The following NXPE1 variants were observed in gnomAD, a reference collection of about 807,000 sequenced individuals.
NXPE1 encodes the protein neurexophilin and PC-esterase domain family member 1, also known as NXPE family member 1.
NXPE1 carries 31 observed loss-of-function variants against 33.3 expected under a neutral mutation model. The ratio of observed to expected loss-of-function variants is 0.93; its 90% CI spans 0.70 to 1.26. NXPE1 has a LOEUF of 1.26. Among genes scored for constraint, NXPE1 ranks in the 50% most tolerant of loss-of-function variants. The pLI, the probability that NXPE1 is intolerant of heterozygous loss-of-function variation, is 0.00. For synonymous variants in NXPE1, 229 were observed against 231.4 expected (o/e 0.99, Z 0.09); for missense variants, 661 against 655.6 (o/e 1.01, Z -0.09).
rs139397765 is a variant in NXPE1 at position 114,529,143 on chromosome 11, T to A, written c.833+1032A>T. The A allele has an allele frequency of 5.1e-3, 1,232 of 242,090 alleles. 6 individuals are homozygous for A. The highest frequency in any genetic ancestry group is 0.042 in the Middle Eastern group (32 of 768). 15.0% of individuals were successfully genotyped at this position (242,090 alleles called of 1,614,324 possible). Reference sequence around the variant, plus strand: ...GACTTTGAAAACTGCTAGAAAGGGATTTCTGTGAACCTAGCATTCTACTCT... The same window carrying A: ...GACTTTGAAAACTGCTAGAAAGGGAATTCTGTGAACCTAGCATTCTACTCT... On this transcript the variant is annotated intron_variant, in intron 6 of 8. Transcript: ENST00000534921.
intron 5 of NXPE1, among the ~76,000 whole-genome samples, chr11:114,538,049 C>A (rs2135024340): frequency 6.6e-6 from 1 of 152,248 alleles, no homozygotes; most frequent in East Asian, 1.9e-4. Context: ...CTACAGTAAC[C>A]AAAACAGCAT....
At chr11:114,540,675 A>C (rs1331894282) in intron 5 of NXPE1, among the ~76,000 whole-genome samples, 1 of 152,036 alleles carries the variant, frequency 6.6e-6, no homozygotes, top group Non-Finnish European at 1.5e-5. Context: ...GCCAAAAACA[A>C]GTACCTGAAG....
intron 5 of NXPE1, among the ~76,000 whole-genome samples, chr11:114,531,658 G>A (rs1345464853): frequency 6.6e-6 from 1 of 151,982 alleles, no homozygotes. Context: ...TGCTTTTGAT[G>A]TCTTGACAAG....
intron 5 of NXPE1, among the ~76,000 whole-genome samples, chr11:114,538,517 T>C (rs1194658583): frequency 3.9e-5 from 6 of 152,148 alleles, no homozygotes; most frequent in Non-Finnish European, 8.8e-5. Flanking sequence ...AGAAAATTTT[T>C]GCAACCTACT....
At chr11:114,532,701 CTCTT>C (rs1387764857) in intron 5 of NXPE1, among the ~76,000 whole-genome samples, 1 of 151,924 alleles carries the variant, frequency 6.6e-6, no homozygotes. Context: ...AATTCTCTGT[CTCTT>C]TCTCTCTGTG....
chr11:114,556,704 T>C (rs1080074), intron 1 of NXPE1, among the ~76,000 whole-genome samples: 16,780 of 152,040 alleles, frequency 0.11, 1,137 homozygotes, highest in Middle Eastern at 0.17. Flanking sequence ...AATGTATTTT[T>C]TTCCAGAGTT....
intron 6 of NXPE1, chr11:114,528,825 G>A (rs1947462762): frequency 2.9e-6 from 2 of 678,716 alleles, no homozygotes; most frequent in East Asian, 2.7e-5. Flanking sequence ...GTCTCTCCAG[G>A]TGCCATCCTG....
chr11:114,544,326 G>A (rs1463388931), intron 5 of NXPE1, among the ~76,000 whole-genome samples: 1 of 152,108 alleles, frequency 6.6e-6, no homozygotes, highest in South Asian at 2.1e-4. Flanking sequence ...CCACTTCAAG[G>A]CTTATTACAA....
intron 7 of NXPE1, among the ~76,000 whole-genome samples, chr11:114,527,603 A>G (rs1947409570): frequency 1.3e-5 from 2 of 152,206 alleles, no homozygotes; most frequent in African/African-American, 4.8e-5. Flanking sequence ...ATGAACTCTC[A>G]GGTTTAAACA....
chr11:114,535,373 C>A (rs1446681486), intron 5 of NXPE1, among the ~76,000 whole-genome samples: 1 of 152,204 alleles, frequency 6.6e-6, no homozygotes, highest in Non-Finnish European at 1.5e-5. Context: ...ACTACATCAA[C>A]TAACGAGCAA....
intron 1 of NXPE1, among the ~76,000 whole-genome samples, chr11:114,556,909 T>C (rs568372825): frequency 2.8e-3 from 427 of 151,988 alleles, no homozygotes; most frequent in African/African-American, 9.1e-3. Flanking sequence ...TTTTTTTTTT[T>C]TGAGACAGAG....
chr11:114,534,214 A>G (rs1947703888), intron 5 of NXPE1, among the ~76,000 whole-genome samples: 1 of 152,246 alleles, frequency 6.6e-6, no homozygotes, highest in South Asian at 2.1e-4. Context: ...ACAGACCTGC[A>G]GCTGAGGGTT....
rs141557180 is a variant in NXPE1 at position 114,522,071 on chromosome 11, A to G, written c.1541T>C (p.Ile514Thr). ...TGCAATGGTCATGTCCCAGGCATCA[A>G]TGATGCCCACGTTGAGGTCTTTGAA... is the stretch of plus-strand genomic sequence containing the variant. Residue 514 changes from isoleucine to threonine, a missense_variant, in exon 9 of 9, where the codon ATT becomes ACT. Ile to Thr is a moderately conservative substitution (Grantham distance 89, BLOSUM62 -1). Coordinates refer to ENST00000534921, the Ensembl canonical transcript of NXPE1. 151 of 1,612,974 alleles carry G rather than the reference A, an allele frequency of 9.4e-5. No homozygotes were observed. The highest frequency in any genetic ancestry group is 6.6e-4 in the Middle Eastern group (4 of 6,060).
chr11:114,527,120 T>C (rs1947392890), intron 7 of NXPE1: 1 of 152,368 alleles, frequency 6.6e-6, no homozygotes, highest in Non-Finnish European at 1.5e-5. Flanking sequence ...GCTCAGTAAA[T>C]GTTTGCTGAT....
chr11:114,553,434 C>T (rs1045192040), intron 1 of NXPE1, among the ~76,000 whole-genome samples: 3 of 152,204 alleles, frequency 2.0e-5, no homozygotes, highest in Admixed American at 6.5e-5. Flanking sequence ...TCCACTGATG[C>T]ACTACCAACT....
intron 5 of NXPE1, among the ~76,000 whole-genome samples, chr11:114,542,767 A>G (rs1396520721): frequency 6.6e-6 from 1 of 152,222 alleles, no homozygotes; most frequent in Non-Finnish European, 1.5e-5. Context: ...GAAGGGTTAT[A>G]TAATGGATTA....
At chr11:114,551,304 A>C (rs1386877068) in intron 4 of NXPE1, 79 bp downstream of exon 4, 52 of 1,362,216 alleles carry the variant, frequency 3.8e-5, no homozygotes, top group Non-Finnish European at 5.0e-5. Flanking sequence ...TGCCTCCAAC[A>C]TTTTGTTCTC....
At position 114,552,882 on chromosome 11, in the gene NXPE1, T is replaced by A. The variant is rs1391015339; in HGVS notation, c.-210-2A>T. Reference sequence around the variant, plus strand: ...AGGTGTCAGGTAGCACAGAATGCACTGAAAATAAGGAGAAGCAGCAAAATT... The same window carrying A: ...AGGTGTCAGGTAGCACAGAATGCACAGAAAATAAGGAGAAGCAGCAAAATT... On this transcript the variant is annotated splice_acceptor_variant, in intron 1 of 8. Coordinates refer to ENST00000534921, the Ensembl canonical transcript of NXPE1. LOFTEE classifies it low-confidence loss of function (5UTR_SPLICE). The A allele has an allele frequency of 1.0e-5, 10 of 977,948 alleles. No homozygotes were observed. The highest frequency in any genetic ancestry group is 2.2e-4 in the East Asian group (2 of 8,906). The allele number at this position is 977,948 out of a possible 1,614,324, so 60.6% of individuals were successfully genotyped here. A position where few individuals can be genotyped will look rare whatever the true frequency, so the allele number is the denominator to read the frequency against.
At chr11:114,553,945 C>A (rs1447245036) in intron 1 of NXPE1, 7 of 985,336 alleles carry the variant, frequency 7.1e-6, no homozygotes, top group Non-Finnish European at 8.4e-6. Context: ...TCTGGGAGAG[C>A]AGGTTTGTCA....
Sources: gnomAD v4.1 joint callset for allele counts (sites outside exome capture counted in the v4.1 genomes callset) on GRCh38, gnomAD v4.1.1 for gene constraint, MANE v1.5 for transcripts, NCBI Gene and HGNC (gene_info 2026-07-23, HGNC 2026-07-21) for gene names.